The following IFIH1 variants were observed in gnomAD, a reference collection of about 807,000 sequenced individuals.
The protein encoded by IFIH1 is interferon induced with helicase C domain 1, also known as interferon-induced helicase C domain-containing protein 1.
In IFIH1, 125 loss-of-function variants were observed where a neutral mutation model predicts 107.4. The ratio of observed to expected loss-of-function variants is 1.16; its 90% CI spans 1.01 to 1.35. The LOEUF (loss-of-function observed/expected upper bound fraction) is 1.35. Ranked by LOEUF, IFIH1 falls within the 40% of genes most tolerant of loss-of-function variation. The probability of loss-of-function intolerance (pLI) is 0.00; values close to 1 mark genes in which losing one functional copy is unlikely to be tolerated. For synonymous variants in IFIH1, 458 were observed against 413.2 expected (o/e 1.11, Z -1.31); for missense variants, 1,333 against 1,213.7 (o/e 1.10, Z -1.46).
chr2:162,273,675 G>A (rs1464925487), intron 12 of IFIH1, 120 bp downstream of exon 12: 1 of 770,652 alleles, frequency 1.3e-6, no homozygotes, highest in Non-Finnish European at 2.1e-6. Context: ...CTTTTAACAG[G>A]AAAAAGGCTT....
chr2:162,273,159 A>C (rs1357202887), intron 12 of IFIH1, among the ~76,000 whole-genome samples: 1 of 152,198 alleles, frequency 6.6e-6, no homozygotes, highest in Non-Finnish European at 1.5e-5. Context: ...ATTTTATAGG[A>C]AGAATAGTGT....
At chr2:162,275,684 G>C (rs911489618) in intron 11 of IFIH1, among the ~76,000 whole-genome samples, 1 of 152,240 alleles carries the variant, frequency 6.6e-6, no homozygotes, top group East Asian at 1.9e-4. Flanking sequence ...TAATAGAAAG[G>C]AAGTATCCAT....
At chr2:162,288,670 G>T (rs569697826) in intron 4 of IFIH1, among the ~76,000 whole-genome samples, 46 of 151,810 alleles carry the variant, frequency 3.0e-4, no homozygotes, top group Admixed American at 5.9e-4. Flanking sequence ...TGTAGAAAGG[G>T]CTGTGGTGCG....
chr2:162,308,263 C>A (rs117466757), intron 2 of IFIH1, among the ~76,000 whole-genome samples: 1 of 152,250 alleles, frequency 6.6e-6, no homozygotes, highest in East Asian at 1.9e-4. Flanking sequence ...GTTCTCCCTG[C>A]GTCCTCACAC....
intron 3 of IFIH1, among the ~76,000 whole-genome samples, chr2:162,306,213 C>T (rs954622634): frequency 2.0e-5 from 3 of 152,140 alleles, no homozygotes; most frequent in African/African-American, 7.2e-5. Flanking sequence ...CAGTCCTCAC[C>T]GATTAGTTAA....
intron 10 of IFIH1, 41 bp from the exon 11 acceptor site, chr2:162,276,987 T>G (rs760609345): frequency 6.9e-7 from 1 of 1,455,708 alleles, no homozygotes; most frequent in Non-Finnish European, 9.4e-7. Context: ...ACAAGCTTGA[T>G]TTAGCCACTC....
Position 162,279,662 on chromosome 2 carries a change from A to G in IFIH1, c.1641+334T>C, listed in dbSNP as rs565883224. Among the ~76,000 whole-genome samples the G allele has an allele frequency of 5.3e-5, 8 of 152,180 alleles. No individual in the cohort carries two copies. In the East Asian group the frequency reaches 1.5e-3, roughly 29 times the overall value. On this transcript the variant is annotated intron_variant, in intron 8 of 15. Transcript: ENST00000649979. Reference sequence around the variant, plus strand: ...TGTCAGAAAATCAATCCTGGAATTCACGAAGAAAATTAAAAAGGCTAAAAC... The same window carrying G: ...TGTCAGAAAATCAATCCTGGAATTCGCGAAGAAAATTAAAAAGGCTAAAAC...
chr2:162,306,680 G>A (rs778788721), intron 3 of IFIH1, 29 bp downstream of exon 3: 1 of 1,601,716 alleles, frequency 6.2e-7, no homozygotes, highest in South Asian at 1.1e-5. Flanking sequence ...AGTAATTACT[G>A]TATTAAAGTA....
intron 13 of IFIH1, 142 bp from the exon 14 acceptor site, chr2:162,268,419 T>A (rs1199140953): frequency 5.3e-6 from 3 of 565,542 alleles, no homozygotes; most frequent in Non-Finnish European, 9.3e-6. Flanking sequence ...AATAATGAGG[T>A]AATGACCCCC....
At chr2:162,292,933 G>A (rs985451310) in intron 4 of IFIH1, among the ~76,000 whole-genome samples, 13 of 151,858 alleles carry the variant, frequency 8.6e-5, no homozygotes, top group Admixed American at 5.9e-4. Context: ...TAACAAATTG[G>A]AAAACTGATA....
chr2:162,279,061 C>A (rs986135187), intron 8 of IFIH1, among the ~76,000 whole-genome samples: 10 of 151,930 alleles, frequency 6.6e-5, no homozygotes, highest in African/African-American at 2.4e-4. Context: ...TAAAAAATGG[C>A]AAATTCTTTT....
At chr2:162,304,614 A>T (rs1396111338) in intron 3 of IFIH1, among the ~76,000 whole-genome samples, 1 of 152,262 alleles carries the variant, frequency 6.6e-6, no homozygotes, top group Admixed American at 6.5e-5. Flanking sequence ...TAAGTCAGCA[A>T]AAAGAAGATG....
intron 1 of IFIH1, among the ~76,000 whole-genome samples, chr2:162,313,164 T>C (rs2105232446): frequency 6.6e-6 from 1 of 152,344 alleles, no homozygotes; most frequent in East Asian, 1.9e-4. Flanking sequence ...TAAGAAATCT[T>C]CTCAGTTTTG....
intron 3 of IFIH1, among the ~76,000 whole-genome samples, chr2:162,306,224 T>C (rs146019128): frequency 6.6e-6 from 1 of 152,340 alleles, no homozygotes; most frequent in Non-Finnish European, 1.5e-5. Flanking sequence ...GATTAGTTAA[T>C]GCAATTCAAG....
intron 3 of IFIH1, among the ~76,000 whole-genome samples, chr2:162,306,082 T>C (rs1044511003): frequency 3.9e-5 from 6 of 152,242 alleles, no homozygotes; most frequent in African/African-American, 1.4e-4. Context: ...TAAGTCCTTT[T>C]GGCAGAGAAG....
chr2:162,276,608 G>C (rs2105196323), intron 11 of IFIH1, 79 bp downstream of exon 11: 4 of 1,483,664 alleles, frequency 2.7e-6, no homozygotes, highest in Non-Finnish European at 2.7e-6. Context: ...TCGTCTGAAA[G>C]AAAAGAAGAA....
At chr2:162,281,194 T>C (rs1682800687) in intron 7 of IFIH1, 134 bp downstream of exon 7, 1 of 633,834 alleles carries the variant, frequency 1.6e-6, no homozygotes, top group Non-Finnish European at 2.8e-6. Flanking sequence ...AGTATATTTA[T>C]TGTACTAAAG....
chr2:162,305,043 C>A (rs1022974146), intron 3 of IFIH1, among the ~76,000 whole-genome samples: 1 of 152,170 alleles, frequency 6.6e-6, no homozygotes, highest in African/African-American at 2.4e-5. Context: ...AATCATACTG[C>A]ATCCAAATGG....
intron 13 of IFIH1, among the ~76,000 whole-genome samples, chr2:162,271,342 C>A (rs995070394): frequency 2.0e-5 from 3 of 151,384 alleles, no homozygotes; most frequent in African/African-American, 4.9e-5. Context: ...TCATTCTGAG[C>A]AAACTATCAC....
Sources: gnomAD v4.1 joint callset for allele counts (sites outside exome capture counted in the v4.1 genomes callset) on GRCh38, gnomAD v4.1.1 for gene constraint, MANE v1.5 for transcripts, NCBI Gene and HGNC (gene_info 2026-07-23, HGNC 2026-07-21) for gene names.